VBP1: variants seen among roughly 807,000 people sequenced by gnomAD.
VBP1 encodes VHL binding protein 1, also known as prefoldin subunit 3.
In VBP1, 4 loss-of-function variants were observed where a neutral mutation model predicts 15.5. The observed-to-expected ratio is 0.26, with a 90% CI of 0.13 to 0.59. VBP1 has a LOEUF of 0.59. Among genes scored for constraint, VBP1 ranks in the 20% least tolerant of loss-of-function variants. The pLI is 0.90. For missense variants in VBP1, 108 were observed against 139.6 expected (o/e 0.77, Z 1.14); for synonymous variants, 61 against 52.1 (o/e 1.17, Z -0.74).
chrX:155,206,115 T>A (rs782339264), intron 1 of VBP1, among the ~76,000 whole-genome samples: 1 of 111,911 alleles, frequency 8.9e-6, no homozygotes. Context: ...ATAAATAAGG[T>A]GACAAGTGCC....
chrX:155,206,409 T>C (rs1439288142), intron 1 of VBP1, among the ~76,000 whole-genome samples: 2 of 110,463 alleles, frequency 1.8e-5, no homozygotes, highest in African/African-American at 6.6e-5. Context: ...AATTTTTTAA[T>C]ATTTTTAGTA....
intron 1 of VBP1, among the ~76,000 whole-genome samples, chrX:155,204,598 A>G (rs1225402317): frequency 8.9e-6 from 1 of 112,275 alleles, no homozygotes; most frequent in Non-Finnish European, 1.9e-5. Flanking sequence ...CTGAAAAATA[A>G]TATAGCACAT....
intron 4 of VBP1, among the ~76,000 whole-genome samples, chrX:155,232,304 C>G (rs1372511687): frequency 9.2e-6 from 1 of 109,071 alleles, no homozygotes; most frequent in African/African-American, 3.3e-5. Context: ...CTTAATATTG[C>G]AGATACTTTT....
At chrX:155,198,529 C>G (rs2074587743) in intron 1 of VBP1, among the ~76,000 whole-genome samples, 1 of 111,790 alleles carries the variant, frequency 8.9e-6, no homozygotes, top group South Asian at 3.7e-4. Context: ...CAAACTCCAA[C>G]AGACCTGCAG....
At chrX:155,218,768 C>A (rs1299075820) in intron 1 of VBP1, among the ~76,000 whole-genome samples, 1 of 111,509 alleles carries the variant, frequency 9.0e-6, no homozygotes, top group Admixed American at 9.5e-5. Flanking sequence ...TCCCTGGTGA[C>A]GAAAAGGTAC....
intron 4 of VBP1, among the ~76,000 whole-genome samples, chrX:155,230,249 C>T (rs1557310683): frequency 9.0e-6 from 1 of 111,560 alleles, no homozygotes; most frequent in African/African-American, 3.3e-5. Flanking sequence ...CCTTCATCTT[C>T]ACATGTGTGC....
At chrX:155,209,330 G>A (rs2074636979) in intron 2 of VBP1, among the ~76,000 whole-genome samples, 1 of 111,807 alleles carries the variant, frequency 8.9e-6, no homozygotes, top group East Asian at 2.8e-4. Context: ...ACTTACCAGA[G>A]AACTGATACT....
chrX:155,197,279 T>C (rs975379396), intron 1 of VBP1: 1 of 111,592 alleles, frequency 9.0e-6, no homozygotes, highest in Admixed American at 9.5e-5. Context: ...CCAAGCAAAT[T>C]CCTGTTCCTC....
intron 3 of VBP1, among the ~76,000 whole-genome samples, chrX:155,227,757 G>A (rs191414390): frequency 8.9e-6 from 1 of 111,859 alleles, no homozygotes; most frequent in African/African-American, 3.2e-5. Context: ...GGTTATACTC[G>A]ACCATTGTCT....
At chrX:155,227,060 A>T (rs1351364937) in intron 2 of VBP1, 175 bp from the exon 3 acceptor site, 1 of 159,066 alleles carries the variant, frequency 6.3e-6, no homozygotes, top group East Asian at 1.5e-4. Context: ...TAAATATTTT[A>T]TTTTTATAAA....
chrX:155,215,368 T>C (rs2074658697), upstream of VBP1, among the ~76,000 whole-genome samples: 1 of 111,470 alleles, frequency 9.0e-6, no homozygotes. Context: ...TTAGCTAACA[T>C]GTCTTCATCC....
At chrX:155,225,255 G>A (rs1433845699) in intron 2 of VBP1, among the ~76,000 whole-genome samples, 2 of 111,516 alleles carry the variant, frequency 1.8e-5, no homozygotes, top group Admixed American at 9.5e-5. Flanking sequence ...TAGCAGTGGC[G>A]CTACCTCGGC....
At chrX:155,237,362 C>T (rs2074779043) in intron 5 of VBP1, among the ~76,000 whole-genome samples, 2 of 111,910 alleles carry the variant, frequency 1.8e-5, no homozygotes, top group African/African-American at 6.5e-5. Flanking sequence ...TGTTCTCGTT[C>T]TGGGGCTCCA....
At chrX:155,220,987 T>TC (rs1332884059) in intron 2 of VBP1, among the ~76,000 whole-genome samples, 1 of 110,084 alleles carries the variant, frequency 9.1e-6, no homozygotes, top group Non-Finnish European at 1.9e-5. Context: ...GTCCAGGAGT[T>TC]CAAGACTAGC....
chrX:155,237,508 A>G (rs1291630770), intron 5 of VBP1, among the ~76,000 whole-genome samples: 5 of 111,350 alleles, frequency 4.5e-5, no homozygotes, highest in African/African-American at 1.6e-4. Context: ...TACTTACAAG[A>G]TATACATATA....
At chrX:155,200,941 C>G (rs2074600775) in intron 1 of VBP1, among the ~76,000 whole-genome samples, 4 of 110,291 alleles carry the variant, frequency 3.6e-5, no homozygotes, top group Admixed American at 2.9e-4. Flanking sequence ...ACCACCGATC[C>G]CACAGAAATA....
chrX:155,225,366 T>C (rs1249317433), intron 2 of VBP1, among the ~76,000 whole-genome samples: 1 of 111,745 alleles, frequency 8.9e-6, no homozygotes, highest in Non-Finnish European at 1.9e-5. Flanking sequence ...GCTAATTTTT[T>C]TGTATTTTTT....
chrX:155,214,564 T>A (rs2074655296), upstream of VBP1, among the ~76,000 whole-genome samples: 1 of 109,993 alleles, frequency 9.1e-6, no homozygotes, highest in Admixed American at 9.6e-5. Flanking sequence ...CTTTACATTT[T>A]GTTTTGTTTT....
At chrX:155,233,072 A>G (rs1254865056) in intron 4 of VBP1, among the ~76,000 whole-genome samples, 1 of 112,454 alleles carries the variant, frequency 8.9e-6, no homozygotes, top group East Asian at 2.8e-4. Context: ...AAGAAACTGC[A>G]TAGCAAATTA....
Sources: allele counts gnomAD v4.1 joint callset (sites outside exome capture counted in the v4.1 genomes callset), GRCh38; gene constraint gnomAD v4.1.1; transcripts MANE v1.5; gene names NCBI Gene and HGNC (gene_info 2026-07-23, HGNC 2026-07-21).